LINGO1: variants seen among roughly 807,000 people sequenced by gnomAD.
LINGO1 encodes leucine-rich repeat and immunoglobulin-like domain-containing nogo receptor-interacting protein 1.
In LINGO1, 11 loss-of-function variants were observed where a neutral mutation model predicts 37.3. The ratio of observed to expected loss-of-function variants is 0.29; its 90% confidence interval spans 0.19 to 0.49. The LOEUF (loss-of-function observed/expected upper bound fraction) is 0.49, where lower values mean the gene tolerates loss of function less well. Among genes scored for constraint, LINGO1 ranks in the 20% least tolerant of loss-of-function variants. The pLI, the probability that LINGO1 is intolerant of heterozygous loss-of-function variation, is 0.99. For missense variants in LINGO1, 585 were observed against 878.2 expected (o/e 0.67, Z 4.22); for synonymous variants, 387 against 403.0 (o/e 0.96, Z 0.48).
chr15:77,661,729 C>T (rs2141171318), intron 3 of LINGO1, among the ~76,000 whole-genome samples: 1 of 152,356 alleles, frequency 6.6e-6, no homozygotes, highest in African/African-American at 2.4e-5. Flanking sequence ...CCCTCTGCTT[C>T]TTTTTCCCTC....
chr15:77,678,147 T>C (rs2141220624), intron 2 of LINGO1, among the ~76,000 whole-genome samples: 1 of 152,374 alleles, frequency 6.6e-6, no homozygotes, highest in African/African-American at 2.4e-5. Context: ...CTTGTTTCAA[T>C]AGTCCCACAG....
At chr15:77,715,440 T>C (rs2075972404) in intron 2 of LINGO1, among the ~76,000 whole-genome samples, 1 of 152,156 alleles carries the variant, frequency 6.6e-6, no homozygotes, top group Admixed American at 6.5e-5. Flanking sequence ...ACCAGCAGTG[T>C]CCAAGCAGAG....
chr15:77,633,691 C>T (rs2074335496), upstream of LINGO1, among the ~76,000 whole-genome samples: 1 of 152,244 alleles, frequency 6.6e-6, no homozygotes, highest in Non-Finnish European at 1.5e-5. Context: ...GCAGAGCCTC[C>T]GCCTGGGCTT....
intron 3 of LINGO1, among the ~76,000 whole-genome samples, chr15:77,650,800 A>G (rs2074742963): frequency 2.0e-5 from 3 of 152,086 alleles, no homozygotes; most frequent in African/African-American, 7.2e-5. Context: ...CAGAGGCTAT[A>G]TATGGCTAAC....
intron 1 of LINGO1, among the ~76,000 whole-genome samples, chr15:77,735,800 A>G (rs2076198372): frequency 1.3e-5 from 2 of 152,172 alleles, no homozygotes; most frequent in Admixed American, 1.3e-4. Flanking sequence ...TCCAGCCTGG[A>G]AAGTACAAAG....
At position 77,654,487 on chromosome 15, in the gene LINGO1, G is replaced by A. The variant is rs1010011443; in HGVS notation, c.-13+22602C>T. ...GGCTACCTCAGGCTGGCTAGGTATG[G>A]TTAGAGCCCAGCTGGTGGGGATTGG... is the stretch of plus-strand genomic sequence containing the variant. On this transcript the variant is annotated intron_variant, in intron 3 of 3. Transcript: ENST00000559893. Among the ~76,000 whole-genome samples the A allele has an allele frequency of 3.3e-5, 5 of 152,116 alleles. 1 individual carries two copies. Among genetic ancestry groups the A allele is most frequent in the Non-Finnish European group, 5.9e-5 (4 of 68,016 alleles).
chr15:77,731,751 C>T lies in LINGO1; in HGVS notation c.-195+3241G>A, dbSNP rs369560387. ...TCCTCTAGGCTCAGAGATTTCATCC[C>T]TCTGTGCCTCCCCTACCCAGGTGGC... On this transcript the variant is annotated intron_variant, in intron 2 of 3. Coordinates refer to the LINGO1 transcript ENST00000561686. Among the ~76,000 whole-genome samples the T allele has an allele frequency of 3.3e-5, 5 of 152,266 alleles. No individual in the cohort carries two copies. In the East Asian group the frequency reaches 9.7e-4, roughly 29 times the overall value.
At chr15:77,761,762 CTG>C (rs2076479356) in intron 1 of LINGO1, among the ~76,000 whole-genome samples, 1 of 152,248 alleles carries the variant, frequency 6.6e-6, no homozygotes, top group Non-Finnish European at 1.5e-5. Context: ...CACTAGGTGT[CTG>C]TAGCCTCTCT....
upstream of LINGO1, among the ~76,000 whole-genome samples, chr15:77,790,273 A>T (rs1209697201): frequency 6.6e-6 from 1 of 152,204 alleles, no homozygotes; most frequent in Non-Finnish European, 1.5e-5. Context: ...TAGTTTGTTC[A>T]ACTTATCCCC....
upstream of LINGO1, chr15:77,696,570 C>G (rs73465808): frequency 6.6e-6 from 1 of 152,512 alleles, no homozygotes. Context: ...GGACAGCCTG[C>G]TCTGCCCACC....
intron 1 of LINGO1, among the ~76,000 whole-genome samples, chr15:77,758,089 C>T (rs2076438357): frequency 2.0e-5 from 3 of 152,178 alleles, no homozygotes; most frequent in South Asian, 4.1e-4. Flanking sequence ...GCCCCTCCCT[C>T]GCCTCCCAAT....
At chr15:77,706,167 C>G (rs2075850217) in intron 2 of LINGO1, among the ~76,000 whole-genome samples, 1 of 152,200 alleles carries the variant, frequency 6.6e-6, no homozygotes, top group Non-Finnish European at 1.5e-5. Context: ...CCCCAAACCA[C>G]TCCTTCTCCA....
rs768903780 is a variant in LINGO1 at position 77,614,585 on chromosome 15, G to A, written c.1322C>T (p.Thr441Met). ...ATCGGCCCGGCACACAAACTGCACC[G>A]TGTGGCCCTCGTCCACAAACACCTG... is the stretch of plus-strand genomic sequence containing the variant. Reference protein sequence around the residue: ...AQQVFVDEGHTVQFVCRADGD... With the variant: ...AQQVFVDEGHMVQFVCRADGD... The change falls in exon 2 of 2, where the codon ACG (threonine) becomes ATG (methionine). Residue 441 changes from threonine (T) to methionine (M), a missense_variant. Physicochemically the swap from Thr to Met is moderately conservative, Grantham distance 81. Around this residue, in one of 4 missense-constraint regions of LINGO1, gnomAD observed 484 missense variants for 735.0 expected, o/e 0.66. Coordinates refer to ENST00000355300, the MANE Select transcript of LINGO1 (RefSeq NM_032808.7). 8 of 1,610,674 alleles carry A rather than the reference G, an allele frequency of 5.0e-6. No homozygotes were observed. The highest frequency in any genetic ancestry group is 1.3e-5 in the African/African-American group (1 of 74,904).
intron 1 of LINGO1, among the ~76,000 whole-genome samples, chr15:77,754,800 T>C (rs187036504): frequency 6.6e-6 from 1 of 152,210 alleles, no homozygotes; most frequent in East Asian, 1.9e-4. Flanking sequence ...ACGGTGAGGG[T>C]AGGTCCGGTA....
chr15:77,739,751 A>G (rs1390648813), intron 1 of LINGO1, among the ~76,000 whole-genome samples: 1 of 152,224 alleles, frequency 6.6e-6, no homozygotes, highest in Non-Finnish European at 1.5e-5. Context: ...GTGCTGCCAA[A>G]GACAGCTTTT....
intron 1 of LINGO1, chr15:77,696,022 G>A (rs2040697161): frequency 6.6e-6 from 1 of 152,216 alleles, no homozygotes; most frequent in Admixed American, 6.5e-5. Context: ...GGCTGGGCAA[G>A]GAGCCTTTAA....
chr15:77,685,048 C>A (rs1172891717), intron 2 of LINGO1, among the ~76,000 whole-genome samples: 3 of 147,882 alleles, frequency 2.0e-5, no homozygotes, highest in African/African-American at 7.5e-5. Flanking sequence ...GGGAGGGAAG[C>A]TCCAGGGGCC....
At chr15:77,700,635 G>A (rs113839589), upstream of LINGO1, among the ~76,000 whole-genome samples, 3 of 152,258 alleles carry the variant, frequency 2.0e-5, no homozygotes, top group South Asian at 2.1e-4. Flanking sequence ...AGGTGGGGTC[G>A]GTGTTACCAG....
chr15:77,673,862 G>A (rs1362739445), intron 3 of LINGO1, among the ~76,000 whole-genome samples: 1 of 152,184 alleles, frequency 6.6e-6, no homozygotes, highest in East Asian at 1.9e-4. Flanking sequence ...GCTCACAGAT[G>A]TGTGACCTGG....
Sources: allele counts gnomAD v4.1 joint callset (sites outside exome capture counted in the v4.1 genomes callset), GRCh38; gene constraint gnomAD v4.1.1; regional missense constraint gnomAD v4.1.1; transcripts MANE v1.5; gene names NCBI Gene and HGNC (gene_info 2026-07-23, HGNC 2026-07-21).